The following SGCZ variants were observed in gnomAD, a reference collection of about 807,000 sequenced individuals.
The protein encoded by SGCZ is sarcoglycan zeta, also known as zeta-sarcoglycan.
SGCZ carries 40 observed loss-of-function variants against 41.3 expected under a neutral mutation model. That is an observed-to-expected ratio of 0.97 (90% CI 0.75 to 1.26). SGCZ has a LOEUF of 1.26. SGCZ is among the 50% of genes most tolerant of loss of function. The pLI, the probability that SGCZ is intolerant of heterozygous loss-of-function variation, is 0.00. For synonymous variants in SGCZ, 206 were observed against 137.5 expected (o/e 1.50, Z -3.49); for missense variants, 552 against 369.8 (o/e 1.49, Z -4.04).
At chr8:14,939,212 G>C (rs1307961808) in intron 1 of SGCZ, among the ~76,000 whole-genome samples, 2 of 151,992 alleles carry the variant, frequency 1.3e-5, no homozygotes, top group Admixed American at 1.3e-4. Context: ...TAGCATTCAG[G>C]ACTTGAGTTA....
intron 1 of SGCZ, among the ~76,000 whole-genome samples, chr8:14,993,618 A>G (rs975982482): frequency 6.6e-6 from 1 of 152,194 alleles, no homozygotes; most frequent in Admixed American, 6.5e-5. Context: ...AGAAAGCATA[A>G]TTTGAGCAAA....
chr8:15,161,762 C>T (rs906390525), intron 1 of SGCZ, among the ~76,000 whole-genome samples: 33 of 152,258 alleles, frequency 2.2e-4, no homozygotes, highest in African/African-American at 7.5e-4. Context: ...AGGCTGGGTG[C>T]CGTGGCTCAC....
intron 1 of SGCZ, among the ~76,000 whole-genome samples, chr8:14,989,617 T>G (rs543589236): frequency 1.3e-5 from 2 of 152,128 alleles, no homozygotes; most frequent in Admixed American, 6.5e-5. Flanking sequence ...ATGAATCATA[T>G]GAAAATCATA....
chr8:14,348,446 T>C (rs957788632), intron 2 of SGCZ, among the ~76,000 whole-genome samples: 1 of 152,110 alleles, frequency 6.6e-6, no homozygotes, highest in African/African-American at 2.4e-5. Context: ...ACAAACTCAG[T>C]AGACATATGT....
intron 3 of SGCZ, among the ~76,000 whole-genome samples, chr8:14,266,985 T>C (rs1799893211): frequency 6.6e-6 from 1 of 152,100 alleles, no homozygotes; most frequent in Non-Finnish European, 1.5e-5. Context: ...AAAGTGGAAT[T>C]TAAGTTAGTT....
intron 1 of SGCZ, among the ~76,000 whole-genome samples, chr8:14,798,024 C>A (rs889221259): frequency 1.1e-4 from 16 of 152,146 alleles, no homozygotes; most frequent in African/African-American, 3.9e-4. Flanking sequence ...GGGGCGGGGC[C>A]CTCATGGAGA....
intron 7 of SGCZ, among the ~76,000 whole-genome samples, chr8:14,096,893 G>C (rs907692294): frequency 2.6e-5 from 4 of 152,144 alleles, no homozygotes; most frequent in Non-Finnish European, 4.4e-5. Context: ...TATTTGTTTA[G>C]AGGTGTTTAT....
intron 1 of SGCZ, among the ~76,000 whole-genome samples, chr8:14,601,374 T>C (rs1805583885): frequency 6.6e-6 from 1 of 152,172 alleles, no homozygotes; most frequent in Non-Finnish European, 1.5e-5. Context: ...AGAGTACAGT[T>C]TTAGGTGAAA....
intron 1 of SGCZ, among the ~76,000 whole-genome samples, chr8:14,809,810 C>A (rs980727231): frequency 1.3e-5 from 2 of 152,028 alleles, no homozygotes; most frequent in African/African-American, 4.8e-5. Flanking sequence ...TCAACATTAG[C>A]AAGATACTGC....
chr8:14,375,926 G>A (rs941394722), intron 2 of SGCZ, among the ~76,000 whole-genome samples: 1 of 152,146 alleles, frequency 6.6e-6, no homozygotes, highest in Non-Finnish European at 1.5e-5. Flanking sequence ...TCAAAATGCT[G>A]GTCCCTGAAA....
chr8:14,151,761 T>G (rs1260420731), intron 5 of SGCZ, among the ~76,000 whole-genome samples: 1 of 152,112 alleles, frequency 6.6e-6, no homozygotes, highest in African/African-American at 2.4e-5. Flanking sequence ...AAGACAGATA[T>G]TCTGATTCAT....
chr8:14,471,593 A>T lies in SGCZ; in HGVS notation c.234+83139T>A, dbSNP rs1254767248. Among the ~76,000 whole-genome samples, 5 of 152,108 alleles carry T rather than the reference A, an allele frequency of 3.3e-5. No individual in the cohort carries two copies. In the South Asian group the frequency reaches 8.3e-4, roughly 25 times the overall value. On this transcript the variant is annotated intron_variant, in intron 2 of 7. Coordinates refer to ENST00000382080, the MANE Select transcript of SGCZ (RefSeq NM_139167.4). Reference sequence around the variant, plus strand: ...ATTCCTTTTGCTAAGAAATTATTCAACGTATCCTATAATTATTACCAACTC... The same window carrying T: ...ATTCCTTTTGCTAAGAAATTATTCATCGTATCCTATAATTATTACCAACTC...
Position 14,971,645 on chromosome 8 carries a change from C to CTTTT in SGCZ, c.39+265936_39+265939dup, listed in dbSNP as rs11456903. ...CATGAGGCATTACTCATTTTATATA[C>CTTTT]TTTTTTTTTTTTTTTTTTTTAATGC... On this transcript the variant is annotated intron_variant, in intron 1 of 7. Transcript: ENST00000382080. Among the ~76,000 whole-genome samples the CTTTT allele has an allele frequency of 6.1e-5, 7 of 114,652 alleles. No individual in the cohort carries two copies. In the East Asian group the frequency reaches 9.8e-4, roughly 16 times the overall value. The allele number at this position is 114,652 out of a possible 152,430, so 75.2% of individuals were successfully genotyped here.
intron 7 of SGCZ, 96 bp downstream of exon 7, chr8:14,102,280 A>C (rs1802053916): frequency 2.5e-6 from 3 of 1,220,506 alleles, no homozygotes; most frequent in Admixed American, 3.1e-5. Context: ...CTACTGAAAG[A>C]TATTCCTTCA....
intron 2 of SGCZ, 91 bp from the exon 3 acceptor site, chr8:14,324,295 G>A: frequency 1.1e-6 from 1 of 871,264 alleles, no homozygotes; most frequent in South Asian, 1.4e-5. Context: ...AGAAAACAGT[G>A]AGCTCAAATC....
chr8:14,253,604 T>C (rs1563214659), intron 3 of SGCZ, among the ~76,000 whole-genome samples: 1 of 152,122 alleles, frequency 6.6e-6, no homozygotes, highest in Non-Finnish European at 1.5e-5. Flanking sequence ...AGAGATATAG[T>C]TCATTGGTTA....
chr8:15,132,085 A>G lies in SGCZ; in HGVS notation c.39+105500T>C, dbSNP rs141193028. Among the ~76,000 whole-genome samples, 5 of 152,280 alleles carry G rather than the reference A, an allele frequency of 3.3e-5. No homozygotes were observed. In the East Asian group the frequency reaches 9.7e-4, roughly 29 times the overall value. On this transcript the variant is annotated intron_variant, in intron 1 of 7. Coordinates refer to ENST00000382080, the MANE Select transcript of SGCZ (RefSeq NM_139167.4). ...ACATAAAAGCCCCTGGAAATTGTTC[A>G]TTTTGCTTACTTAAAGCCATTAGCT...
chr8:14,748,131 C>G (rs1480803665), intron 1 of SGCZ, among the ~76,000 whole-genome samples: 1 of 152,076 alleles, frequency 6.6e-6, no homozygotes, highest in East Asian at 1.9e-4. Flanking sequence ...GTCCAAGCTT[C>G]ATGAATATTA....
chr8:15,165,732 T>C (rs1322370155), intron 1 of SGCZ, among the ~76,000 whole-genome samples: 2 of 152,312 alleles, frequency 1.3e-5, no homozygotes, highest in East Asian at 3.9e-4. Context: ...AATGTAACCT[T>C]TTGCTTAGGG....
Sources: gnomAD v4.1 joint callset for allele counts (sites outside exome capture counted in the v4.1 genomes callset) on GRCh38, gnomAD v4.1.1 for gene constraint, MANE v1.5 for transcripts, NCBI Gene and HGNC (gene_info 2026-07-23, HGNC 2026-07-21) for gene names.